Variants in PREX2 observed in about 807,000 individuals in gnomAD.
PREX2 encodes phosphatidylinositol 3,4,5-trisphosphate-dependent Rac exchanger 2 protein.
Under a neutral mutation model 203.2 loss-of-function variants are expected in PREX2, and 107 were observed. The observed-to-expected ratio is 0.53, with a 90% CI of 0.45 to 0.62. The LOEUF is 0.62. Ranked by LOEUF, PREX2 falls within the 20% of genes least tolerant of loss-of-function variation. PREX2 has a pLI of 0.00. For synonymous variants in PREX2, 672 were observed against 663.6 expected (o/e 1.01, Z -0.19); for missense variants, 1,777 against 1,955.9 (o/e 0.91, Z 1.72).
At chr8:68,082,582 A>G (rs1414640226) in intron 17 of PREX2, 1 of 152,226 alleles carries the variant, frequency 6.6e-6, no homozygotes, top group Non-Finnish European at 1.5e-5. Flanking sequence ...TGACTATGCC[A>G]CTAATAAAAT....
At chr8:68,161,637 T>C (rs1811655747) in intron 35 of PREX2, among the ~76,000 whole-genome samples, 1 of 152,074 alleles carries the variant, frequency 6.6e-6, no homozygotes, top group African/African-American at 2.4e-5. Flanking sequence ...CATTTTACCA[T>C]AGGACAAAAA....
intron 35 of PREX2, among the ~76,000 whole-genome samples, chr8:68,171,248 A>G (rs1432804886): frequency 6.6e-6 from 1 of 152,184 alleles, no homozygotes; most frequent in Non-Finnish European, 1.5e-5. Context: ...TCAATGAAGA[A>G]TGGCACATTT....
intron 34 of PREX2, among the ~76,000 whole-genome samples, chr8:68,151,700 GC>G (rs1161966952): frequency 6.6e-6 from 1 of 151,564 alleles, no homozygotes; most frequent in East Asian, 1.9e-4. Context: ...ATGGTAGTTT[GC>G]CTTAAACCAA....
intron 31 of PREX2, 98 bp from the exon 32 acceptor site, chr8:68,133,961 G>A: frequency 2.1e-6 from 2 of 935,094 alleles, no homozygotes; most frequent in East Asian, 4.9e-5. Context: ...TGAGTTTAGT[G>A]AAAAGATGAA....
chr8:68,217,863 T>C (rs950763911), intron 38 of PREX2, 145 bp downstream of exon 38: 2 of 496,564 alleles, frequency 4.0e-6, no homozygotes, highest in African/African-American at 7.2e-5. Context: ...TGAGAAATGC[T>C]CCCAGGGAGA....
At position 68,090,642 on chromosome 8, in the gene PREX2, A is replaced by G. The variant is rs1457593060; in HGVS notation, c.2177A>G (p.Asn726Ser). The change falls in exon 20 of 40, where the codon AAT (asparagine) becomes AGT (serine). Residue 726 changes from asparagine to serine, a missense_variant. Coordinates refer to ENST00000288368, the MANE Select transcript of PREX2 (RefSeq NM_024870.4). ...TGCATTATCAAGGTGAATGGAATCA[A>G]TGTCAGCAAAGAGACACATGCCAGT... ...GQCIIKVNGI[N>S]VSKETHASVI... 1.2e-6 allele frequency: 2 copies of G among 1,614,018 alleles called. No individual in the cohort carries two copies. The highest frequency in any genetic ancestry group is 1.7e-6 in the Non-Finnish European group (2 of 1,179,892).
chr8:67,978,454 A>G (rs1391336539), intron 1 of PREX2, among the ~76,000 whole-genome samples: 1 of 152,222 alleles, frequency 6.6e-6, no homozygotes, highest in Non-Finnish European at 1.5e-5. Context: ...ATTTTGTATG[A>G]ATAGACTTAT....
At chr8:68,012,819 T>C in intron 1 of PREX2, among the ~76,000 whole-genome samples, 1 of 152,218 alleles carries the variant, frequency 6.6e-6, no homozygotes, top group Non-Finnish European at 1.5e-5. Flanking sequence ...AAGAGATTAC[T>C]AAACATCCTG....
At chr8:68,110,033 T>C (rs1810506605) in intron 25 of PREX2, among the ~76,000 whole-genome samples, 1 of 152,218 alleles carries the variant, frequency 6.6e-6, no homozygotes. Context: ...TAATAAATGC[T>C]TAACATACTT....
intron 19 of PREX2, among the ~76,000 whole-genome samples, chr8:68,089,361 T>C (rs1809797827): frequency 6.6e-6 from 1 of 152,232 alleles, no homozygotes; most frequent in Admixed American, 6.5e-5. Context: ...AAGATGAACT[T>C]GTTCCTACGT....
chr8:68,160,289 T>C (rs1811629116), intron 35 of PREX2, among the ~76,000 whole-genome samples: 1 of 152,176 alleles, frequency 6.6e-6, no homozygotes, highest in Non-Finnish European at 1.5e-5. Context: ...TTTTAGAAGA[T>C]GCATCAGAAT....
At chr8:68,192,601 T>C in intron 37 of PREX2, 76 bp downstream of exon 37, 1 of 1,186,382 alleles carries the variant, frequency 8.4e-7, no homozygotes, top group Non-Finnish European at 1.2e-6. Context: ...ACATTTTGGC[T>C]TCACAAAATT....
chr8:68,006,716 C>A (rs893436211), intron 1 of PREX2, among the ~76,000 whole-genome samples: 4 of 152,138 alleles, frequency 2.6e-5, no homozygotes, highest in Non-Finnish European at 5.9e-5. Flanking sequence ...TGCCCTAAAC[C>A]AGATTAATTA....
chr8:68,051,566 T>G (rs1158294867), intron 8 of PREX2, among the ~76,000 whole-genome samples: 1 of 152,162 alleles, frequency 6.6e-6, no homozygotes, highest in Non-Finnish European at 1.5e-5. Flanking sequence ...TTGTAATTTC[T>G]CAGTTGGTTA....
At chr8:68,000,477 G>T (rs905867424) in intron 1 of PREX2, among the ~76,000 whole-genome samples, 3 of 152,124 alleles carry the variant, frequency 2.0e-5, no homozygotes, top group Non-Finnish European at 4.4e-5. Context: ...AACATTCCAT[G>T]CTCATGGATA....
At chr8:68,133,978 G>A in intron 31 of PREX2, 81 bp from the exon 32 acceptor site, 1 of 1,076,996 alleles carries the variant, frequency 9.3e-7, no homozygotes, top group Non-Finnish European at 1.4e-6. Flanking sequence ...TGAAATGCTA[G>A]TGAATGTAGA....
chr8:68,209,070 T>TAAAAA (rs994362514), intron 37 of PREX2, among the ~76,000 whole-genome samples: 2 of 115,094 alleles, frequency 1.7e-5, no homozygotes, highest in South Asian at 2.8e-4. Flanking sequence ...TGGACTCATT[T>TAAAAA]AAAAAAAAAA....
intron 23 of PREX2, among the ~76,000 whole-genome samples, chr8:68,100,892 G>T (rs1810244436): frequency 6.6e-6 from 1 of 152,108 alleles, no homozygotes; most frequent in African/African-American, 2.4e-5. Flanking sequence ...CTGTTGCAAT[G>T]GCCCAGTTGA....
intron 24 of PREX2, 142 bp downstream of exon 24, chr8:68,108,473 C>A: frequency 1.6e-6 from 1 of 637,326 alleles, no homozygotes; most frequent in Non-Finnish European, 2.7e-6. Context: ...TTGCTGTAAT[C>A]ATTTGGATAA....
Sources: allele counts gnomAD v4.1 joint callset (sites outside exome capture counted in the v4.1 genomes callset), GRCh38; gene constraint gnomAD v4.1.1; transcripts MANE v1.5; gene names NCBI Gene and HGNC (gene_info 2026-07-23, HGNC 2026-07-21).